Variants in TMEFF1 observed in about 807,000 individuals in gnomAD.
TMEFF1 encodes tomoregulin-1.
TMEFF1 carries 20 observed loss-of-function variants against 47.5 expected under a neutral mutation model. The observed-to-expected ratio is 0.42, with a 90% CI of 0.30 to 0.61. The LOEUF is 0.61. Ranked by LOEUF, TMEFF1 falls within the 20% of genes least tolerant of loss-of-function variation. TMEFF1 has a pLI of 0.19. For missense variants in TMEFF1, 411 were observed against 471.1 expected, an observed-to-expected ratio of 0.87 and a Z score of 1.18; for synonymous variants, 162 against 166.3, an observed-to-expected ratio of 0.97 and a Z score of 0.20.
chr9:100,520,168 A>G (rs779784396), intron 5 of TMEFF1, among the ~76,000 whole-genome samples: 2 of 152,134 alleles, frequency 1.3e-5, no homozygotes, highest in Non-Finnish European at 1.5e-5. Context: ...ATTGTATGCC[A>G]GCTGTGGTGG....
chr9:100,547,710 G>A, intron 5 of TMEFF1, 34 bp from the exon 6 acceptor site: 2 of 1,450,268 alleles, frequency 1.4e-6, no homozygotes, highest in Non-Finnish European at 1.8e-6. Context: ...TATTTTTGTT[G>A]TAAAATATAG....
At chr9:100,509,966 TTAA>T (rs1336944548) in intron 3 of TMEFF1, among the ~76,000 whole-genome samples, 1 of 152,212 alleles carries the variant, frequency 6.6e-6, no homozygotes, top group Non-Finnish European at 1.5e-5. Context: ...TGTGTTTGTA[TTAA>T]TGTTTGGGGA....
intron 9 of TMEFF1, among the ~76,000 whole-genome samples, chr9:100,575,349 T>A (rs1486018240): frequency 6.6e-6 from 1 of 152,188 alleles, no homozygotes; most frequent in African/African-American, 2.4e-5. Context: ...TCAGGAACCT[T>A]GAACATCACC....
intron 3 of TMEFF1, among the ~76,000 whole-genome samples, chr9:100,512,018 G>A (rs959825844): frequency 6.6e-6 from 1 of 152,116 alleles, no homozygotes; most frequent in Non-Finnish European, 1.5e-5. Context: ...GTAGTATCTT[G>A]TGTACTGGGA....
intron 5 of TMEFF1, among the ~76,000 whole-genome samples, chr9:100,545,257 G>C (rs1239061812): frequency 6.6e-6 from 1 of 152,192 alleles, no homozygotes; most frequent in African/African-American, 2.4e-5. Context: ...GCAAACTTCT[G>C]CCTGGGCATC....
At chr9:100,530,924 G>T (rs1394213097) in intron 5 of TMEFF1, among the ~76,000 whole-genome samples, 5 of 152,048 alleles carry the variant, frequency 3.3e-5, no homozygotes, top group Admixed American at 6.6e-5. Flanking sequence ...ATGCAAGGCT[G>T]GTTCAATATA....
At chr9:100,575,070 T>C (rs1418685669) in intron 9 of TMEFF1, among the ~76,000 whole-genome samples, 2 of 152,192 alleles carry the variant, frequency 1.3e-5, no homozygotes, top group Non-Finnish European at 2.9e-5. Flanking sequence ...TTTATTATGG[T>C]ATTTCCTCCC....
At chr9:100,526,733 T>C (rs944188451) in intron 5 of TMEFF1, among the ~76,000 whole-genome samples, 2 of 151,998 alleles carry the variant, frequency 1.3e-5, no homozygotes, top group African/African-American at 4.8e-5. Flanking sequence ...AATTGTTCTT[T>C]TGTTTAGTTT....
At chr9:100,530,788 G>C (rs1838361315) in intron 5 of TMEFF1, among the ~76,000 whole-genome samples, 1 of 151,934 alleles carries the variant, frequency 6.6e-6, no homozygotes. Context: ...AACCAAAAAA[G>C]AGAATTTTAG....
chr9:100,527,651 G>A (rs1362889619), intron 5 of TMEFF1, among the ~76,000 whole-genome samples: 1 of 152,176 alleles, frequency 6.6e-6, no homozygotes, highest in Non-Finnish European at 1.5e-5. Flanking sequence ...CAAGGCGGCA[G>A]CGAGGCTGGG....
intron 5 of TMEFF1, among the ~76,000 whole-genome samples, chr9:100,524,761 A>G (rs549054723): frequency 6.6e-4 from 101 of 152,032 alleles, no homozygotes; most frequent in African/African-American, 2.4e-3. Flanking sequence ...TTTTTTTATT[A>G]TACTTTAAGT....
At chr9:100,482,146 A>G (rs1837349782) in intron 1 of TMEFF1, among the ~76,000 whole-genome samples, 1 of 151,638 alleles carries the variant, frequency 6.6e-6, no homozygotes, top group Non-Finnish European at 1.5e-5. Context: ...TCACTTGGCA[A>G]TCTATTTTTC....
At position 100,473,767 on chromosome 9, in the gene TMEFF1, G is replaced by A; in HGVS notation, c.196+27G>A. 1 of 1,462,304 alleles carries A rather than the reference G, an allele frequency of 6.8e-7. No homozygotes were observed. The highest frequency in any genetic ancestry group is 9.1e-7 in the Non-Finnish European group (1 of 1,098,148). The allele number at this position is 1,462,304 out of a possible 1,614,324, so 90.6% of individuals were successfully genotyped here. Reference sequence around the variant, plus strand: ...TAGGACCGGTCGGAGCCGGCCCTAGGTCTTCCCACCCCTCCGTTGCCGCCT... The same window carrying A: ...TAGGACCGGTCGGAGCCGGCCCTAGATCTTCCCACCCCTCCGTTGCCGCCT... On this transcript the variant is annotated intron_variant, in intron 1 of 9. Coordinates refer to ENST00000374879, the MANE Select transcript of TMEFF1 (RefSeq NM_003692.5). This position sits in a 1 kb window ranked among gnomAD's most constrained non-coding sequence, Gnocchi z 5.4.
At chr9:100,513,231 A>C (rs1838000698) in intron 3 of TMEFF1, 76 bp from the exon 4 acceptor site, 1 of 1,565,134 alleles carries the variant, frequency 6.4e-7, no homozygotes, top group African/African-American at 1.4e-5. Context: ...TTTATTTTTG[A>C]TAGGAAATTT....
At chr9:100,511,366 A>G (rs1026008641) in intron 3 of TMEFF1, among the ~76,000 whole-genome samples, 1 of 152,198 alleles carries the variant, frequency 6.6e-6, no homozygotes, top group Non-Finnish European at 1.5e-5. Flanking sequence ...GCCTTAACCT[A>G]ACTCCAACCC....
At chr9:100,536,464 ATTAAT>A (rs765343064) in intron 5 of TMEFF1, among the ~76,000 whole-genome samples, 79 of 152,330 alleles carry the variant, frequency 5.2e-4, no homozygotes, top group Admixed American at 1.1e-3. Context: ...GAGGTTCACA[ATTAAT>A]TTAATACCTC....
chr9:100,489,232 A>G (rs1391775544), intron 1 of TMEFF1, among the ~76,000 whole-genome samples: 2 of 150,976 alleles, frequency 1.3e-5, no homozygotes, highest in African/African-American at 4.9e-5. Context: ...TTTTTTTTGG[A>G]GATAAGATCT....
chr9:100,498,682 CAT>C, intron 1 of TMEFF1, 81 bp from the exon 2 acceptor site: 1 of 1,235,798 alleles, frequency 8.1e-7, no homozygotes, highest in South Asian at 1.4e-5. Context: ...AGGACTTTTT[CAT>C]ACACACACAC....
chr9:100,544,197 A>G (rs944317909), intron 5 of TMEFF1, among the ~76,000 whole-genome samples: 7 of 151,652 alleles, frequency 4.6e-5, no homozygotes, highest in Non-Finnish European at 8.8e-5. Flanking sequence ...GATCAGTGTT[A>G]TTTGTCTCCT....
Sources: allele counts gnomAD v4.1 joint callset (sites outside exome capture counted in the v4.1 genomes callset), GRCh38; gene constraint gnomAD v4.1.1; non-coding constraint Gnocchi (gnomAD v3.1); transcripts MANE v1.5; gene names NCBI Gene and HGNC (gene_info 2026-07-23, HGNC 2026-07-21).